ADGRB3: variants seen among roughly 807,000 people sequenced by gnomAD.
ADGRB3 encodes the protein adhesion G protein-coupled receptor B3.
ADGRB3 carries 37 observed loss-of-function variants against 193.4 expected under a neutral mutation model. The observed-to-expected ratio is 0.19, with a 90% CI of 0.15 to 0.25. ADGRB3 has a LOEUF of 0.25. Ranked by LOEUF, ADGRB3 falls within the 10% of genes least tolerant of loss-of-function variation. ADGRB3 has a pLI of 1.00. For synonymous variants in ADGRB3, 690 were observed against 644.2 expected (o/e 1.07, Z -1.08); for missense variants, 1,637 against 1,852.9 (o/e 0.88, Z 2.14).
intron 17 of ADGRB3, among the ~76,000 whole-genome samples, chr6:69,101,637 C>A (rs1773058932): frequency 6.7e-6 from 1 of 149,302 alleles, no homozygotes; most frequent in Non-Finnish European, 1.5e-5. Context: ...ACTTTTTTAC[C>A]ATATTATACA....
At chr6:69,283,010 A>C (rs1171546263) in intron 20 of ADGRB3, among the ~76,000 whole-genome samples, 1 of 152,136 alleles carries the variant, frequency 6.6e-6, no homozygotes, top group Non-Finnish European at 1.5e-5. Context: ...GGCCATGAGG[A>C]AGTGAACTAA....
At chr6:69,367,619 A>G (rs1769602571) in intron 29 of ADGRB3, among the ~76,000 whole-genome samples, 2 of 151,882 alleles carry the variant, frequency 1.3e-5, no homozygotes, top group South Asian at 2.1e-4. Context: ...GCCAGTGATG[A>G]TGAGCATTTT....
rs147321769 is a variant in ADGRB3, at chr6:68,845,809, T to G, written c.758-84750T>G. On this transcript the variant is annotated intron_variant, in intron 3 of 31. Transcript: ENST00000370598. ...CATGTCTTTATCAGCATTGTGAAAA[T>G]GAAATACTACAGTAAATTTATACCA... Among the ~76,000 whole-genome samples the G allele has an allele frequency of 8.9e-3, 1,349 of 152,192 alleles. 35 individuals are homozygous for G. Among genetic ancestry groups the G allele is most frequent in the African/African-American group, 0.031 (1,289 of 41,506 alleles).
chr6:69,208,765 T>G (rs956133411), intron 17 of ADGRB3, among the ~76,000 whole-genome samples: 1 of 152,200 alleles, frequency 6.6e-6, no homozygotes, highest in Admixed American at 6.5e-5. Context: ...GTAACTTACT[T>G]GTGCCTTCAG....
chr6:69,055,443 T>A (rs73467744), intron 15 of ADGRB3, among the ~76,000 whole-genome samples: 1,557 of 152,314 alleles, frequency 0.01, 26 homozygotes, highest in African/African-American at 0.033. Flanking sequence ...GGTTCATTTG[T>A]CTTGTAGCAT....
intron 3 of ADGRB3, among the ~76,000 whole-genome samples, chr6:68,642,485 G>A (rs953447012): frequency 1.3e-5 from 2 of 152,026 alleles, no homozygotes; most frequent in Non-Finnish European, 2.9e-5. Context: ...GAAAAGAACG[G>A]CAAGAAAACT....
intron 17 of ADGRB3, among the ~76,000 whole-genome samples, chr6:69,167,399 C>T (rs1423960746): frequency 6.6e-6 from 1 of 152,042 alleles, no homozygotes; most frequent in East Asian, 1.9e-4. Context: ...AGGGCAAAAA[C>T]TCAGATATAC....
Position 69,330,551 on chromosome 6 carries a change from A to G in ADGRB3, c.3081A>G (p.Gly1027=). Residue 1027 remains glycine (G), a synonymous_variant, in exon 23 of 32, where the codon GGA becomes GGG. Coordinates refer to ENST00000370598, the MANE Select transcript of ADGRB3 (RefSeq NM_001704.3). ...LEGGLLYAFV[G]PAAAVVLVNM... is the part of the protein sequence containing the mutation. ...GAGGACTACTCTATGCTTTTGTGGG[A>G]CCTGCAGCCGCTGTTGTCCTGGTAA... 6.2e-7 allele frequency: 1 copy of G among 1,608,374 alleles called. No homozygotes were observed. The highest frequency in any genetic ancestry group is 8.5e-7 in the Non-Finnish European group (1 of 1,176,756).
chr6:69,330,935 T>C (rs569747396), intron 23 of ADGRB3, among the ~76,000 whole-genome samples: 5 of 152,312 alleles, frequency 3.3e-5, no homozygotes, highest in Admixed American at 1.3e-4. Flanking sequence ...TTACGTATGG[T>C]TATTAATAGG....
At chr6:69,031,440 CAA>C (rs540284027) in intron 13 of ADGRB3, among the ~76,000 whole-genome samples, 2 of 118,458 alleles carry the variant, frequency 1.7e-5, no homozygotes, top group Non-Finnish European at 1.7e-5. Context: ...GACTCCATCT[CAA>C]AAAAAAAAAA....
intron 3 of ADGRB3, among the ~76,000 whole-genome samples, chr6:68,891,684 T>C (rs1047733664): frequency 1.7e-4 from 26 of 152,152 alleles, no homozygotes; most frequent in African/African-American, 6.3e-4. Context: ...AAAACACTTA[T>C]GAGTGTCTTG....
At chr6:68,813,891 C>A (rs905246923) in intron 3 of ADGRB3, among the ~76,000 whole-genome samples, 6 of 152,108 alleles carry the variant, frequency 3.9e-5, no homozygotes, top group Admixed American at 2.0e-4. Flanking sequence ...TGAACTCATC[C>A]TTTTTTATGG....
chr6:69,353,728 T>A (rs528711430), intron 26 of ADGRB3, among the ~76,000 whole-genome samples: 1 of 152,290 alleles, frequency 6.6e-6, no homozygotes, highest in South Asian at 2.1e-4. Flanking sequence ...ATAAATTTCC[T>A]TGGCATACAG....
Position 69,311,174 on chromosome 6 carries a change from G to C in ADGRB3, c.2815-13698G>C, listed in dbSNP as rs552842523. Among the ~76,000 whole-genome samples the C allele has an allele frequency of 2.5e-4, 38 of 151,856 alleles. No homozygotes were observed. In the South Asian group the frequency reaches 3.5e-3, roughly 14 times the overall value. On this transcript the variant is annotated intron_variant, in intron 20 of 31. Transcript: ENST00000370598. ...AAATTTTTATTTGCTTCTCGCAATA[G>C]CATGAATTGCTTCCATAGAGCTACT...
intron 18 of ADGRB3, among the ~76,000 whole-genome samples, chr6:69,233,750 G>T (rs1561961276): frequency 1.3e-5 from 2 of 152,130 alleles, no homozygotes; most frequent in Non-Finnish European, 2.9e-5. Context: ...ATATTCTGGG[G>T]AATTTTAGAG....
At chr6:68,699,798 C>A (rs927883297) in intron 3 of ADGRB3, among the ~76,000 whole-genome samples, 1 of 151,252 alleles carries the variant, frequency 6.6e-6, no homozygotes, top group African/African-American at 2.4e-5. Context: ...ACCTCTTTCC[C>A]TTCACCCAAG....
intron 8 of ADGRB3, among the ~76,000 whole-genome samples, chr6:68,968,519 A>C (rs1287933743): frequency 6.6e-6 from 1 of 152,232 alleles, no homozygotes; most frequent in Non-Finnish European, 1.5e-5. Flanking sequence ...AGGAAATTTG[A>C]ATTTCAAAGC....
intron 11 of ADGRB3, among the ~76,000 whole-genome samples, chr6:68,996,222 C>CT (rs1022081092): frequency 1.6e-4 from 25 of 152,254 alleles, no homozygotes; most frequent in Admixed American, 1.6e-3. Context: ...GGTCTGCCTA[C>CT]TTAATGCCTC....
intron 17 of ADGRB3, among the ~76,000 whole-genome samples, chr6:69,203,134 A>G (rs562769602): frequency 7.9e-5 from 12 of 152,340 alleles, no homozygotes; most frequent in Non-Finnish European, 1.3e-4. Context: ...TTGATTTGAA[A>G]AAAACAAACA....
Sources: allele counts gnomAD v4.1 joint callset (sites outside exome capture counted in the v4.1 genomes callset), GRCh38; gene constraint gnomAD v4.1.1; transcripts MANE v1.5; gene names NCBI Gene and HGNC (gene_info 2026-07-23, HGNC 2026-07-21).